PLCB4: variants seen among roughly 807,000 people sequenced by gnomAD.
The protein encoded by PLCB4 is 1-phosphatidylinositol 4,5-bisphosphate phosphodiesterase beta-4.
PLCB4 carries 77 observed loss-of-function variants against 178.8 expected under a neutral mutation model. The observed-to-expected ratio is 0.43, with a 90% CI of 0.36 to 0.52. The LOEUF (loss-of-function observed/expected upper bound fraction) is 0.52. Among genes scored for constraint, PLCB4 ranks in the 20% least tolerant of loss-of-function variants. PLCB4 has a pLI of 0.00. For missense variants in PLCB4, 1,024 were observed against 1,453.4 expected (o/e 0.70, Z 4.80); for synonymous variants, 496 against 490.8 (o/e 1.01, Z -0.14).
intron 32 of PLCB4, among the ~76,000 whole-genome samples, chr20:9,447,451 A>G (rs928377393): frequency 3.9e-5 from 6 of 152,174 alleles, no homozygotes; most frequent in African/African-American, 1.4e-4. Context: ...AGGCTTGTTC[A>G]CATGGCTGGG....
In PLCB4 at chr20:9,479,073, T is replaced by A. The variant is rs372023385; in HGVS notation, c.*64T>A. The A allele has an allele frequency of 2.8e-5, 31 of 1,093,556 alleles. No individual in the cohort carries two copies. The highest frequency in any genetic ancestry group is 2.7e-4 in the East Asian group (11 of 41,426). The allele number at this position is 1,093,556 out of a possible 1,614,324, so 67.7% of individuals were successfully genotyped here. A position where few individuals can be genotyped will look rare whatever the true frequency, so the allele number is the denominator to read the frequency against. The stretch of plus-strand genomic sequence containing the variant: ...AACTTCTGAACACAAACTCCATGGA[T>A]GAAAGCTGTTTATTTTGTTTCCTTT... On this transcript the variant is annotated 3_prime_UTR_variant, in exon 40 of 40. Coordinates refer to ENST00000378473, the MANE Select transcript of PLCB4 (RefSeq NM_001377142.1).
chr20:9,117,210 A>G lies in PLCB4; in HGVS notation c.-79+20868A>G, dbSNP rs141295422. On this transcript the variant is annotated intron_variant, in intron 2 of 39. Transcript: ENST00000378473. ...CTGTTGAACACATGGGAAGTTCCTG[A>G]TAGCTTCTATTTTAAATACAATTAT... 5.3e-3 allele frequency among the ~76,000 whole-genome samples: 802 copies of G among 152,312 alleles called. 4 individuals are homozygous for G. The highest frequency in any genetic ancestry group is 0.018 in the African/African-American group (737 of 41,576).
chr20:9,244,136 T>C (rs181021535), intron 3 of PLCB4, among the ~76,000 whole-genome samples: 23 of 152,242 alleles, frequency 1.5e-4, no homozygotes, highest in Non-Finnish European at 3.1e-4. Context: ...TAGAGTGATG[T>C]TATTCTGTGG....
At chr20:9,164,108 T>A (rs545667821) in intron 2 of PLCB4, among the ~76,000 whole-genome samples, 2 of 152,364 alleles carry the variant, frequency 1.3e-5, no homozygotes, top group Admixed American at 6.5e-5. Context: ...AAACTTGTTT[T>A]ACTTTACCAA....
rs147480306 is a variant in PLCB4 at position 9,249,487 on chromosome 20, T to A, written c.-16+32035T>A. 7.4e-3 allele frequency among the ~76,000 whole-genome samples: 1,123 copies of A among 152,230 alleles called. 17 individuals are homozygous for A. The highest frequency in any genetic ancestry group is 0.026 in the African/African-American group (1,079 of 41,536). On this transcript the variant is annotated intron_variant, in intron 3 of 39. Transcript: ENST00000378473. ...CATGCCCAACTAATTTTTATTTTTT[T>A]AAATTTTCTGTAGAGACAGGGCCTT...
intron 3 of PLCB4, among the ~76,000 whole-genome samples, chr20:9,278,776 G>A (rs567532675): frequency 9.7e-4 from 147 of 152,132 alleles, no homozygotes; most frequent in Non-Finnish European, 1.8e-3. Flanking sequence ...GATGGCAGCC[G>A]ACACATAGAA....
intron 3 of PLCB4, among the ~76,000 whole-genome samples, chr20:9,231,011 A>G (rs1188705990): frequency 6.6e-6 from 1 of 152,188 alleles, no homozygotes; most frequent in African/African-American, 2.4e-5. Context: ...ATATTCATGT[A>G]TCAGAGAATA....
intron 2 of PLCB4, among the ~76,000 whole-genome samples, chr20:9,200,623 C>T (rs2093531465): frequency 6.6e-6 from 1 of 152,200 alleles, no homozygotes; most frequent in Admixed American, 6.5e-5. Flanking sequence ...TTCATCCCTT[C>T]TGGTGTCCTC....
chr20:9,283,243 G>A (rs1409096112), intron 3 of PLCB4, among the ~76,000 whole-genome samples: 3 of 151,956 alleles, frequency 2.0e-5, no homozygotes, highest in Admixed American at 2.0e-4. Flanking sequence ...CCCAGCTGAG[G>A]CTGCATGCAA....
In PLCB4 at chr20:9,469,962, A is replaced by G. The variant is rs1205753421; in HGVS notation, c.3350+1290A>G. ...GATTACGCCACCAGCAGTTAGGGAC[A>G]GTGGGGTTCCTTCTTTTGGGGGAAT... On this transcript the variant is annotated intron_variant, in intron 36 of 39. Transcript: ENST00000378473. Among the ~76,000 whole-genome samples the G allele has an allele frequency of 2.0e-5, 3 of 152,330 alleles. No individual in the cohort carries two copies. In the East Asian group the frequency reaches 5.8e-4, roughly 29 times the overall value.
chr20:9,360,029 T>C (rs763375771), intron 7 of PLCB4, among the ~76,000 whole-genome samples: 3 of 152,180 alleles, frequency 2.0e-5, no homozygotes, highest in Non-Finnish European at 4.4e-5. Context: ...CTTTACCATG[T>C]CGTGAGGAGA....
At chr20:9,084,186 A>G (rs961217545) in intron 1 of PLCB4, among the ~76,000 whole-genome samples, 4 of 152,190 alleles carry the variant, frequency 2.6e-5, no homozygotes, top group African/African-American at 9.7e-5. Context: ...AGATGAGATA[A>G]ATCATGTCTT....
intron 14 of PLCB4, among the ~76,000 whole-genome samples, chr20:9,386,508 T>A (rs879402439): frequency 4.6e-5 from 7 of 152,050 alleles, no homozygotes; most frequent in Non-Finnish European, 8.8e-5. Context: ...TTTTTGGATA[T>A]GGAAATATGT....
chr20:9,454,070 A>G (rs1209922365), intron 33 of PLCB4, among the ~76,000 whole-genome samples: 1 of 152,146 alleles, frequency 6.6e-6, no homozygotes, highest in East Asian at 1.9e-4. Context: ...TAATTCCTCA[A>G]TCTCTCCCTG....
chr20:9,365,547 C>T (rs1403234753), intron 9 of PLCB4, 33 bp downstream of exon 9: 7 of 1,376,868 alleles, frequency 5.1e-6, no homozygotes, highest in East Asian at 2.3e-5. Context: ...TGTCCGTGTC[C>T]CGGGTCAACG....
At chr20:9,309,397 C>T (rs1375267814) in intron 4 of PLCB4, among the ~76,000 whole-genome samples, 3 of 152,160 alleles carry the variant, frequency 2.0e-5, no homozygotes, top group East Asian at 1.9e-4. Context: ...CTTCCTTGAC[C>T]CATTGAATGA....
intron 18 of PLCB4, among the ~76,000 whole-genome samples, chr20:9,394,826 A>G (rs2038438819): frequency 6.6e-6 from 1 of 152,158 alleles, no homozygotes; most frequent in African/African-American, 2.4e-5. Flanking sequence ...CCAGTCATAT[A>G]TGAGAGTGCC....
intron 35 of PLCB4, among the ~76,000 whole-genome samples, chr20:9,462,223 A>G (rs1452094986): frequency 2.6e-5 from 4 of 152,160 alleles, no homozygotes; most frequent in Non-Finnish European, 5.9e-5. Context: ...CATCATCATC[A>G]ACAAAAAGTT....
In PLCB4 at chr20:9,230,565, G is replaced by A. The variant is rs186025545; in HGVS notation, c.-16+13113G>A. Among the ~76,000 whole-genome samples, 769 of 152,230 alleles carry A rather than the reference G, an allele frequency of 5.1e-3. 3 individuals carry two copies. The highest frequency in any genetic ancestry group is 0.017 in the Middle Eastern group (5 of 294). On this transcript the variant is annotated intron_variant, in intron 3 of 39. Transcript: ENST00000378473. ...AACAAACTACCCTCAAAATTTAGTG[G>A]CTTAAAACAGTAGCCCCTCATTTAA...
Sources: gnomAD v4.1 joint callset for allele counts (sites outside exome capture counted in the v4.1 genomes callset) on GRCh38, gnomAD v4.1.1 for gene constraint, MANE v1.5 for transcripts, NCBI Gene and HGNC (gene_info 2026-07-23, HGNC 2026-07-21) for gene names.